The following DENND1A variants were observed in gnomAD, a reference collection of about 807,000 sequenced individuals.
DENND1A encodes DENN domain-containing protein 1A.
In DENND1A, 51 loss-of-function variants were observed where a neutral mutation model predicts 113.7. That is an observed-to-expected ratio of 0.45 (90% CI 0.36 to 0.57). The LOEUF (loss-of-function observed/expected upper bound fraction) is 0.57, where lower values mean the gene tolerates loss of function less well. Among genes scored for constraint, DENND1A ranks in the 20% least tolerant of loss-of-function variants. The pLI is 0.00. For synonymous variants in DENND1A, 565 were observed against 570.8 expected, an observed-to-expected ratio of 0.99 and a Z score of 0.14; for missense variants, 1,258 against 1,395.9, an observed-to-expected ratio of 0.90 and a Z score of 1.57.
chr9:123,912,518 A>G (rs543073020), intron 1 of DENND1A, among the ~76,000 whole-genome samples: 1 of 152,238 alleles, frequency 6.6e-6, no homozygotes, highest in East Asian at 1.9e-4. Context: ...CTCACCAAAC[A>G]CCACAGGAAA....
intron 9 of DENND1A, among the ~76,000 whole-genome samples, chr9:123,644,419 A>T (rs1380330114): frequency 2.0e-5 from 3 of 146,800 alleles, no homozygotes; most frequent in Non-Finnish European, 3.1e-5. Context: ...AGTACTATAC[A>T]ATCAGGTCTT....
At chr9:123,697,758 C>G (rs983417470) in intron 5 of DENND1A, among the ~76,000 whole-genome samples, 1 of 152,124 alleles carries the variant, frequency 6.6e-6, no homozygotes, top group African/African-American at 2.4e-5. Flanking sequence ...ACCAGGAACC[C>G]CAGGAGTAGT....
At chr9:123,468,502 T>G (rs2049135342) in intron 13 of DENND1A, among the ~76,000 whole-genome samples, 1 of 152,192 alleles carries the variant, frequency 6.6e-6, no homozygotes, top group South Asian at 2.1e-4. Context: ...GCTGGGGAAT[T>G]TGGCCCTATT....
rs188650542 is a variant in DENND1A, at chr9:123,612,738, A to G, written c.720-3257T>C. On this transcript the variant is annotated intron_variant, in intron 10 of 23. Transcript: ENST00000394215. ...ACACCTTCATGTTGCATGAATTCCT[A>G]GACACCGAATTACTAAAAATTAAAG... Among the ~76,000 whole-genome samples, 10 of 152,308 alleles carry G rather than the reference A, an allele frequency of 6.6e-5. No homozygotes were observed. In the East Asian group the frequency reaches 1.7e-3, roughly 26 times the overall value.
chr9:123,785,405 T>G (rs747251406), intron 3 of DENND1A, among the ~76,000 whole-genome samples: 11 of 152,040 alleles, frequency 7.2e-5, no homozygotes, highest in Non-Finnish European at 1.3e-4. Context: ...GCAAACACTT[T>G]AAAAAGCACC....
intron 13 of DENND1A, among the ~76,000 whole-genome samples, chr9:123,480,460 GT>G (rs1203053277): frequency 6.6e-6 from 1 of 152,208 alleles, no homozygotes; most frequent in Non-Finnish European, 1.5e-5. Flanking sequence ...CCCATACGCT[GT>G]GCTTTCAAAC....
chr9:123,801,674 C>T (rs1178324336), intron 2 of DENND1A, among the ~76,000 whole-genome samples: 1 of 152,178 alleles, frequency 6.6e-6, no homozygotes, highest in Non-Finnish European at 1.5e-5. Flanking sequence ...AATAATTCTA[C>T]ATTAATTTTT....
chr9:123,882,035 C>T (rs924199171), intron 1 of DENND1A, among the ~76,000 whole-genome samples: 3 of 152,106 alleles, frequency 2.0e-5, no homozygotes, highest in Non-Finnish European at 4.4e-5. Flanking sequence ...TACTCCTTTG[C>T]GAATTCCTTC....
intron 3 of DENND1A, among the ~76,000 whole-genome samples, chr9:123,788,946 T>G (rs1003668464): frequency 6.6e-6 from 1 of 152,092 alleles, no homozygotes. Context: ...AATACAGGAT[T>G]CTTTTCAAGT....
chr9:123,401,028 A>G (rs1262449507), intron 21 of DENND1A: 1 of 152,222 alleles, frequency 6.6e-6, no homozygotes, highest in Admixed American at 6.5e-5. Context: ...AACCCAGGCC[A>G]GATTAAAGGG....
chr9:123,714,399 C>T (rs749688569), intron 5 of DENND1A, among the ~76,000 whole-genome samples: 8 of 152,206 alleles, frequency 5.3e-5, no homozygotes, highest in South Asian at 2.1e-4. Flanking sequence ...GTCAGGAGTT[C>T]GAGACCGGCC....
intron 1 of DENND1A, among the ~76,000 whole-genome samples, chr9:123,912,041 T>C (rs1854086970): frequency 6.6e-6 from 1 of 152,130 alleles, no homozygotes; most frequent in South Asian, 2.1e-4. Flanking sequence ...TGAAAAGCCT[T>C]ATACTATGCT....
At chr9:123,390,971 G>A (rs1410419688) in intron 21 of DENND1A, among the ~76,000 whole-genome samples, 1 of 152,344 alleles carries the variant, frequency 6.6e-6, no homozygotes, top group East Asian at 1.9e-4. Context: ...AGGAATTTCC[G>A]GCTTCACCCA....
intron 13 of DENND1A, among the ~76,000 whole-genome samples, chr9:123,523,171 G>T (rs560674868): frequency 3.3e-5 from 5 of 152,154 alleles, no homozygotes; most frequent in Non-Finnish European, 5.9e-5. Context: ...TGTTGCCTCC[G>T]ATCAGTCCAT....
chr9:123,862,964 A>T (rs1590427289), intron 2 of DENND1A, among the ~76,000 whole-genome samples: 1 of 152,202 alleles, frequency 6.6e-6, no homozygotes, highest in Non-Finnish European at 1.5e-5. Context: ...ATCAAATGGG[A>T]ATCTTCAAAA....
At chr9:123,789,876 C>A (rs1228461934) in intron 3 of DENND1A, among the ~76,000 whole-genome samples, 1 of 152,216 alleles carries the variant, frequency 6.6e-6, no homozygotes, top group Non-Finnish European at 1.5e-5. Flanking sequence ...AAACATCTAG[C>A]AGCAGCAAGC....
chr9:123,876,183 CA>C (rs1847434418), intron 2 of DENND1A, among the ~76,000 whole-genome samples: 1 of 152,014 alleles, frequency 6.6e-6, no homozygotes, highest in African/African-American at 2.4e-5. Context: ...GAACTTTCTA[CA>C]AAACAACAGA....
intron 1 of DENND1A, among the ~76,000 whole-genome samples, chr9:123,925,944 C>A (rs1857015069): frequency 6.6e-6 from 1 of 152,202 alleles, no homozygotes; most frequent in African/African-American, 2.4e-5. Context: ...AGCCCACTTC[C>A]TGCACTTGGT....
intron 19 of DENND1A, among the ~76,000 whole-genome samples, chr9:123,415,341 G>C (rs1321140425): frequency 1.3e-5 from 2 of 152,138 alleles, no homozygotes; most frequent in African/African-American, 2.4e-5. Context: ...TATGATGCTG[G>C]AGCATATGAT....
Sources: allele counts gnomAD v4.1 joint callset (sites outside exome capture counted in the v4.1 genomes callset), GRCh38; gene constraint gnomAD v4.1.1; transcripts MANE v1.5; gene names NCBI Gene and HGNC (gene_info 2026-07-23, HGNC 2026-07-21).